AKR1C8: variants seen among roughly 807,000 people sequenced by gnomAD.
AKR1C8 encodes aldo-keto reductase family 1 member C-like protein 1.
the AKR1C8 span, among the ~76,000 whole-genome samples, chr10:5,142,541 A>G: frequency 6.6e-6 from 1 of 152,222 alleles, no homozygotes; most frequent in African/African-American, 2.4e-5. Context: ...TCATGTGAAT[A>G]TTTAGAGGTC....
chr10:5,174,558 G>C, the AKR1C8 span, among the ~76,000 whole-genome samples: 1 of 151,970 alleles, frequency 6.6e-6, no homozygotes, highest in South Asian at 2.1e-4. Context: ...AATAAGACCT[G>C]AGGACATAGA....
chr10:5,128,269 A>T, the AKR1C8 span, among the ~76,000 whole-genome samples: 1 of 152,180 alleles, frequency 6.6e-6, no homozygotes, highest in South Asian at 2.1e-4. Flanking sequence ...TCTACAAGGC[A>T]TGCTATAAGG....
chr10:5,163,395 G>C, the AKR1C8 span, among the ~76,000 whole-genome samples: 96 of 152,274 alleles, frequency 6.3e-4, no homozygotes, highest in Middle Eastern at 3.4e-3. Flanking sequence ...TCATGTTATA[G>C]TTCTACCAAG....
chr10:5,149,246 T>C, the AKR1C8 span, among the ~76,000 whole-genome samples: 1 of 152,112 alleles, frequency 6.6e-6, no homozygotes, highest in Non-Finnish European at 1.5e-5. Flanking sequence ...AGGTGTACTA[T>C]AGTTTCTTTT....
the AKR1C8 span, among the ~76,000 whole-genome samples, chr10:5,166,185 T>C: frequency 6.6e-6 from 1 of 151,902 alleles, no homozygotes; most frequent in Non-Finnish European, 1.5e-5. Flanking sequence ...ACCCCGAGAC[T>C]CTGAAGAAAA....
the AKR1C8 span, among the ~76,000 whole-genome samples, chr10:5,162,573 G>A: frequency 6.6e-6 from 1 of 152,110 alleles, no homozygotes; most frequent in African/African-American, 2.4e-5. Context: ...AAGAACTGAA[G>A]GAGTGGACCC....
the AKR1C8 span, among the ~76,000 whole-genome samples, chr10:5,166,725 T>C: frequency 1.3e-5 from 2 of 152,224 alleles, no homozygotes; most frequent in East Asian, 3.9e-4. Context: ...GACATAGGCA[T>C]GGGCAAGGAC....
At chr10:5,176,987 T>C in the AKR1C8 span, among the ~76,000 whole-genome samples, 1 of 152,158 alleles carries the variant, frequency 6.6e-6, no homozygotes, top group South Asian at 2.1e-4. Context: ...CCTGCCTAAT[T>C]GCCCTGGCCA....
chr10:5,163,651 T>C, the AKR1C8 span, among the ~76,000 whole-genome samples: 1 of 152,220 alleles, frequency 6.6e-6, no homozygotes, highest in African/African-American at 2.4e-5. Context: ...GGGTGGGTTC[T>C]TGGTAAAACT....
At chr10:5,164,500 T>A in the AKR1C8 span, among the ~76,000 whole-genome samples, 2 of 152,096 alleles carry the variant, frequency 1.3e-5, no homozygotes, top group African/African-American at 2.4e-5. Context: ...GGGTTGGGAA[T>A]GGGATTTATG....
chr10:5,125,963 A>T, the AKR1C8 span, among the ~76,000 whole-genome samples: 1 of 152,206 alleles, frequency 6.6e-6, no homozygotes, highest in Non-Finnish European at 1.5e-5. Context: ...TAATGGAAGG[A>T]GCGTCACATC....
At chr10:5,173,646 AT>A in the AKR1C8 span, among the ~76,000 whole-genome samples, 2 of 105,242 alleles carry the variant, frequency 1.9e-5, no homozygotes, top group Admixed American at 1.8e-4. Context: ...TAACAAAACG[AT>A]TAAAAAAAAA....
the AKR1C8 span, among the ~76,000 whole-genome samples, chr10:5,176,573 T>C: frequency 3.3e-5 from 5 of 150,872 alleles, no homozygotes; most frequent in South Asian, 2.1e-4. Context: ...TTGGGCAGTA[T>C]GGCCATTTTC....
At chr10:5,166,321 C>T in the AKR1C8 span, among the ~76,000 whole-genome samples, 6 of 152,134 alleles carry the variant, frequency 3.9e-5, no homozygotes, top group African/African-American at 1.2e-4. Context: ...AAAGAGCCTG[C>T]ATTGCCAAGT....
the AKR1C8 span, among the ~76,000 whole-genome samples, chr10:5,126,617 A>G: frequency 1.3e-5 from 2 of 152,052 alleles, no homozygotes; most frequent in Non-Finnish European, 2.9e-5. Flanking sequence ...GGTAGGGGAT[A>G]CTCAATAAAT....
chr10:5,158,208 C>A, the AKR1C8 span, among the ~76,000 whole-genome samples: 1 of 152,048 alleles, frequency 6.6e-6, no homozygotes, highest in Non-Finnish European at 1.5e-5. Flanking sequence ...AGTTTCCTAG[C>A]AATGAGAAGT....
At chr10:5,168,070 C>T in the AKR1C8 span, among the ~76,000 whole-genome samples, 2 of 152,002 alleles carry the variant, frequency 1.3e-5, no homozygotes, top group Admixed American at 6.6e-5. Context: ...GGCTTTCTTA[C>T]CAACTCTAGG....
the AKR1C8 span, among the ~76,000 whole-genome samples, chr10:5,184,413 G>A: frequency 6.6e-6 from 1 of 152,168 alleles, no homozygotes; most frequent in Non-Finnish European, 1.5e-5. Context: ...ACATTGATGA[G>A]ACTGTAACAG....
chr10:5,118,241 G>C, the AKR1C8 span, among the ~76,000 whole-genome samples: 2 of 152,176 alleles, frequency 1.3e-5, no homozygotes, highest in South Asian at 4.1e-4. Flanking sequence ...AAAGGCAGGG[G>C]TAGGGACAGG....
Sources: gnomAD v4.1 joint callset for allele counts (sites outside exome capture counted in the v4.1 genomes callset) on GRCh38, gnomAD v4.1.1 for gene constraint, MANE v1.5 for transcripts, NCBI Gene and HGNC (gene_info 2026-07-23, HGNC 2026-07-21) for gene names.